The following AFF3 variants were observed in gnomAD, a reference collection of about 807,000 sequenced individuals.
AFF3 encodes AF4/FMR2 family member 3.
In AFF3, 32 loss-of-function variants were observed where a neutral mutation model predicts 129.7. That is an observed-to-expected ratio of 0.25 (90% confidence interval 0.19 to 0.33). The LOEUF (loss-of-function observed/expected upper bound fraction) is 0.33, where lower values mean the gene tolerates loss of function less well. Ranked by LOEUF, AFF3 falls within the 10% of genes least tolerant of loss-of-function variation. AFF3 has a pLI of 1.00. For missense variants in AFF3, 1,373 were observed against 1,592.0 expected (o/e 0.86, Z 2.34); for synonymous variants, 644 against 635.4 (o/e 1.01, Z -0.20).
rs550583288 is a variant in AFF3 at position 99,685,292 on chromosome 2, A to C, written c.1092-12703T>G. ...TTAGGCCAAGTATATTGAGAGTTCT[A>C]AATCCATTGTCAGGTACATACAACT... On this transcript the variant is annotated intron_variant, in intron 11 of 24. Coordinates refer to ENST00000672756, the MANE Select transcript of AFF3 (RefSeq NM_001386135.1). 2.6e-5 allele frequency among the ~76,000 whole-genome samples: 4 copies of C among 152,300 alleles called. No homozygotes were observed. The East Asian group carries it at 7.7e-4, about 29-fold the overall frequency.
rs146409988 is a variant in AFF3 at position 99,815,230 on chromosome 2, A to G, written c.921+22247T>C. Among the ~76,000 whole-genome samples the G allele has an allele frequency of 3.3e-3, 507 of 152,302 alleles. 5 individuals carry two copies. Among genetic ancestry groups the G allele is most frequent in the African/African-American group, 0.012 (482 of 41,556 alleles). On this transcript the variant is annotated intron_variant, in intron 8 of 24. Transcript: ENST00000672756. ...TTCAGTCTTATTCCTTGGATGTATC[A>G]GTTGCATTTTTTATTATAGCAAAAT...
chr2:99,623,581 C>G (rs987618972), intron 13 of AFF3, among the ~76,000 whole-genome samples: 12 of 152,160 alleles, frequency 7.9e-5, no homozygotes, highest in Non-Finnish European at 1.8e-4. Context: ...TGGGCCCAAC[C>G]GACACGGGAG....
intron 2 of AFF3, chr2:100,105,983 C>T: frequency 7.5e-7 from 1 of 1,325,680 alleles, no homozygotes; most frequent in African/African-American, 1.5e-5. Flanking sequence ...ACCCTGGGTG[C>T]AAGTGACGGG....
chr2:99,668,917 T>C (rs7583638), intron 12 of AFF3, among the ~76,000 whole-genome samples: 99,286 of 151,998 alleles, frequency 0.65, 33,186 homozygotes, highest in African/African-American at 0.79. Context: ...GGACCCTTCT[T>C]AATTCATTTT....
intron 13 of AFF3, among the ~76,000 whole-genome samples, chr2:99,623,881 AC>A (rs1682295035): frequency 6.6e-6 from 1 of 152,152 alleles, no homozygotes; most frequent in Non-Finnish European, 1.5e-5. Flanking sequence ...GCTGAGAGGG[AC>A]CCATGGGAGC....
At chr2:99,913,641 T>C (rs1405872977) in intron 7 of AFF3, among the ~76,000 whole-genome samples, 2 of 152,184 alleles carry the variant, frequency 1.3e-5, no homozygotes, top group Non-Finnish European at 2.9e-5. Context: ...ATGTCCGCAA[T>C]CAAAGGAACC....
chr2:99,903,155 C>T (rs1019114481), intron 7 of AFF3, among the ~76,000 whole-genome samples: 1 of 152,090 alleles, frequency 6.6e-6, no homozygotes, highest in Non-Finnish European at 1.5e-5. Flanking sequence ...TTCTTAGATG[C>T]TACCAGTATA....
At chr2:99,796,313 T>C (rs1685554043) in intron 8 of AFF3, among the ~76,000 whole-genome samples, 1 of 152,220 alleles carries the variant, frequency 6.6e-6, no homozygotes, top group South Asian at 2.1e-4. Context: ...TGCTAACAAA[T>C]ACATTACTTA....
chr2:99,761,661 C>G (rs1682607453), intron 8 of AFF3, among the ~76,000 whole-genome samples: 1 of 152,190 alleles, frequency 6.6e-6, no homozygotes, highest in Non-Finnish European at 1.5e-5. Context: ...TGAAGACCTG[C>G]AAAGTCTGTT....
At chr2:99,770,780 T>C (rs1218213116) in intron 8 of AFF3, among the ~76,000 whole-genome samples, 1 of 152,164 alleles carries the variant, frequency 6.6e-6, no homozygotes, top group African/African-American at 2.4e-5. Context: ...AAATGTTTTC[T>C]GAGAGGTACG....
At chr2:99,968,269 A>T (rs1011497408) in intron 7 of AFF3, among the ~76,000 whole-genome samples, 4 of 152,182 alleles carry the variant, frequency 2.6e-5, no homozygotes, top group African/African-American at 9.7e-5. Flanking sequence ...CTTGGTCAGC[A>T]ACTGACTTCA....
At chr2:99,979,483 ATTCT>A (rs990263550) in intron 7 of AFF3, among the ~76,000 whole-genome samples, 3 of 151,992 alleles carry the variant, frequency 2.0e-5, no homozygotes, top group African/African-American at 7.2e-5. Context: ...ATTTTTTTAA[ATTCT>A]TTATCTCTTT....
chr2:99,758,572 C>A (rs1054667166), intron 8 of AFF3, among the ~76,000 whole-genome samples: 8 of 114,186 alleles, frequency 7.0e-5, no homozygotes. Context: ...GGTGACAGAG[C>A]GAGACTCCAT....
chr2:99,882,817 C>G (rs992246794), intron 7 of AFF3, among the ~76,000 whole-genome samples: 1 of 152,172 alleles, frequency 6.6e-6, no homozygotes, highest in Non-Finnish European at 1.5e-5. Flanking sequence ...CAAGGCATGG[C>G]CCTAGCAATT....
intron 18 of AFF3, among the ~76,000 whole-genome samples, chr2:99,574,265 T>C (rs761577586): frequency 2.0e-5 from 3 of 152,170 alleles, no homozygotes; most frequent in South Asian, 2.1e-4. Context: ...GTTTGCTTAA[T>C]GTCAGGGGAG....
intron 8 of AFF3, among the ~76,000 whole-genome samples, chr2:99,757,286 G>A (rs1480316979): frequency 1.3e-5 from 2 of 152,130 alleles, no homozygotes; most frequent in Admixed American, 6.5e-5. Flanking sequence ...GCTCATGAGC[G>A]ATTCAAACTC....
chr2:100,059,751 A>G (rs1687104771), intron 4 of AFF3, among the ~76,000 whole-genome samples: 1 of 152,238 alleles, frequency 6.6e-6, no homozygotes, highest in Admixed American at 6.5e-5. Flanking sequence ...CAGAGGCCAC[A>G]TCAGTGCTCC....
intron 7 of AFF3, among the ~76,000 whole-genome samples, chr2:99,976,470 G>C (rs961056797): frequency 6.6e-6 from 1 of 152,118 alleles, no homozygotes; most frequent in Non-Finnish European, 1.5e-5. Context: ...ATTTTCAACT[G>C]GATCTATAAC....
rs1403564742 is a variant in AFF3 at position 99,867,568 on chromosome 2, T to TTC, written c.874-30046_874-30045dup. ...CACACAGTCTCCCCAAGGCCTATAT[T>TTC]TCTATATTAAAAAAAAAAAAAAAAA... On this transcript the variant is annotated intron_variant, in intron 7 of 24. Coordinates refer to ENST00000672756, the MANE Select transcript of AFF3 (RefSeq NM_001386135.1). Among the ~76,000 whole-genome samples the TTC allele has an allele frequency of 8.3e-5, 7 of 84,222 alleles. No individual in the cohort carries two copies. In the East Asian group the frequency reaches 2.7e-3, roughly 33 times the overall value. The allele number at this position is 84,222 out of a possible 152,430, so 55.3% of individuals were successfully genotyped here.
Sources: gnomAD v4.1 joint callset for allele counts (sites outside exome capture counted in the v4.1 genomes callset) on GRCh38, gnomAD v4.1.1 for gene constraint, MANE v1.5 for transcripts, NCBI Gene and HGNC (gene_info 2026-07-23, HGNC 2026-07-21) for gene names.